CHODL: variants seen among roughly 807,000 people sequenced by gnomAD.
The protein encoded by CHODL is transmembrane protein MT75.
CHODL carries 29 observed loss-of-function variants against 34.5 expected under a neutral mutation model. The ratio of observed to expected loss-of-function variants is 0.84; its 90% confidence interval spans 0.63 to 1.15. The LOEUF (loss-of-function observed/expected upper bound fraction) is 1.15, where lower values mean the gene tolerates loss of function less well. Ranked by LOEUF, CHODL falls within the 50% of genes most tolerant of loss-of-function variation. CHODL has a pLI of 0.00. For synonymous variants in CHODL, 125 were observed against 116.1 expected, an observed-to-expected ratio of 1.08 and a Z score of -0.49; for missense variants, 332 against 332.5, an observed-to-expected ratio of 1.00 and a Z score of 0.01.
At chr21:18,174,790 G>A (rs1448222732) in intron 2 of CHODL, among the ~76,000 whole-genome samples, 1 of 152,046 alleles carries the variant, frequency 6.6e-6, no homozygotes, top group East Asian at 1.9e-4. Context: ...TAGTTCTGAG[G>A]GTTTACTTGT....
At chr21:18,158,706 C>T (rs922822666) in intron 2 of CHODL, among the ~76,000 whole-genome samples, 3 of 151,918 alleles carry the variant, frequency 2.0e-5, no homozygotes, top group African/African-American at 7.3e-5. Flanking sequence ...GGTGTGGTGG[C>T]AGGTGCCTGT....
intron 1 of CHODL, among the ~76,000 whole-genome samples, chr21:17,975,794 CCAGAATCTATGATACTTAAATTG>C (rs2063657318): frequency 1.3e-5 from 2 of 152,176 alleles, no homozygotes; most frequent in South Asian, 4.2e-4. Context: ...CTGCAACATC[CCAGAATCTATGATACTTAAATTG>C]CATTATTGTC....
chr21:17,991,485 G>A (rs1239075486), intron 1 of CHODL, among the ~76,000 whole-genome samples: 1 of 151,654 alleles, frequency 6.6e-6, no homozygotes, highest in Non-Finnish European at 1.5e-5. Flanking sequence ...TTGTCTTTTT[G>A]ATAGTAGCCA....
intron 2 of CHODL, among the ~76,000 whole-genome samples, chr21:18,037,668 G>C (rs374113468): frequency 1.2e-4 from 18 of 151,742 alleles, no homozygotes; most frequent in African/African-American, 4.1e-4. Context: ...AGCTCTCCAA[G>C]ATCAGAGAGA....
intron 2 of CHODL, among the ~76,000 whole-genome samples, chr21:18,210,523 T>C (rs2073761190): frequency 1.3e-5 from 2 of 152,226 alleles, no homozygotes; most frequent in Non-Finnish European, 2.9e-5. Flanking sequence ...GTGATGTTCT[T>C]GTGGGGAGGA....
intron 2 of CHODL, among the ~76,000 whole-genome samples, chr21:18,228,841 A>G (rs867504063): frequency 5.7e-4 from 87 of 152,184 alleles, no homozygotes; most frequent in African/African-American, 2.0e-3. Flanking sequence ...TAATTAAATA[A>G]CGAGAGCCCT....
rs2063336099 is a variant in CHODL at position 17,938,496 on chromosome 21, G to GTTTTTTTTTTTTTTTTTTTTTT, written c.-145+21096_-145+21097insTTTTTTTTTTTTTTTTTTTTTT. Among the ~76,000 whole-genome samples, 2 of 43,682 alleles carry GTTTTTTTTTTTTTTTTTTTTTT rather than the reference G, an allele frequency of 4.6e-5. 1 individual carries two copies. The highest frequency in any genetic ancestry group is 7.7e-4 in the Admixed American group (2 of 2,582). The allele number at this position is 43,682 out of a possible 152,430, so 28.7% of individuals were successfully genotyped here. On this transcript the variant is annotated intron_variant, in intron 1 of 6. Transcript: ENST00000400127. ...TTTTTTTTTTTTTTTTTTTTTTTAA[G>GTTTTTTTTTTTTTTTTTTTTTT]GAAAGGGAGTCTCGCTCCATCGCCC...
At chr21:18,263,012 A>G (rs1223413662) in intron 5 of CHODL, 119 bp downstream of exon 5, 1 of 611,564 alleles carries the variant, frequency 1.6e-6, no homozygotes. Context: ...AATCCTATAC[A>G]TACAATCTAA....
At chr21:18,104,328 T>A (rs1333258253) in intron 2 of CHODL, among the ~76,000 whole-genome samples, 3 of 152,056 alleles carry the variant, frequency 2.0e-5, no homozygotes, top group African/African-American at 4.8e-5. Flanking sequence ...TCTGATGGTT[T>A]TATAAGGGGC....
At chr21:18,227,449 C>T (rs887684831) in intron 2 of CHODL, among the ~76,000 whole-genome samples, 1 of 152,116 alleles carries the variant, frequency 6.6e-6, no homozygotes, top group Non-Finnish European at 1.5e-5. Flanking sequence ...AACTTTACAA[C>T]ATATATGTTG....
intron 1 of CHODL, among the ~76,000 whole-genome samples, chr21:17,930,606 G>A (rs1303596371): frequency 1.3e-5 from 2 of 152,226 alleles, no homozygotes; most frequent in African/African-American, 2.4e-5. Context: ...TTGAAGACAT[G>A]TTTGCTGGTC....
chr21:18,125,608 A>ATTAATTAT (rs1036897386), intron 2 of CHODL, among the ~76,000 whole-genome samples: 1 of 151,636 alleles, frequency 6.6e-6, no homozygotes, highest in African/African-American at 2.4e-5. Context: ...TAATTAATTA[A>ATTAATTAT]TTTTTGAGAT....
At chr21:18,174,766 T>C (rs1234947802) in intron 2 of CHODL, among the ~76,000 whole-genome samples, 2 of 152,140 alleles carry the variant, frequency 1.3e-5, no homozygotes, top group African/African-American at 4.8e-5. Context: ...GTACCTTATT[T>C]TGTGCCACAG....
rs11909311 is a variant in CHODL, at chr21:18,131,230, G to A, written c.-45+103259G>A. Reference sequence around the variant, plus strand: ...TGCCTTTATAAGGGAATAGTAAAGGGCCCTGCCTTCATGACCTAATTCCTC... The same window carrying A: ...TGCCTTTATAAGGGAATAGTAAAGGACCCTGCCTTCATGACCTAATTCCTC... On this transcript the variant is annotated intron_variant, in intron 2 of 6. Transcript: ENST00000400127. Among the ~76,000 whole-genome samples the A allele has an allele frequency of 1.0e-2, 1,514 of 152,092 alleles. 18 individuals are homozygous for A. Among genetic ancestry groups the A allele is most frequent in the African/African-American group, 0.033 (1,384 of 41,468 alleles).
At chr21:18,108,008 T>C (rs1238856780) in intron 2 of CHODL, among the ~76,000 whole-genome samples, 2 of 152,204 alleles carry the variant, frequency 1.3e-5, no homozygotes, top group Non-Finnish European at 2.9e-5. Flanking sequence ...TATTCCAGGC[T>C]GGGATTTGCT....
chr21:17,932,440 G>A (rs900029935), intron 1 of CHODL, among the ~76,000 whole-genome samples: 7 of 152,158 alleles, frequency 4.6e-5, no homozygotes, highest in African/African-American at 1.7e-4. Context: ...ATTTGACCCA[G>A]CAATCCCACT....
chr21:18,099,301 T>G (rs1455606330), intron 2 of CHODL, among the ~76,000 whole-genome samples: 1 of 152,108 alleles, frequency 6.6e-6, no homozygotes, highest in Non-Finnish European at 1.5e-5. Flanking sequence ...TTCCATGATG[T>G]GGTTATTCTG....
chr21:18,069,918 C>A (rs1480869925), intron 2 of CHODL, among the ~76,000 whole-genome samples: 2 of 151,392 alleles, frequency 1.3e-5, no homozygotes, highest in African/African-American at 4.8e-5. Flanking sequence ...CCAAACTTTT[C>A]TTTTCCTCCC....
At chr21:18,049,684 C>G (rs2064489005) in intron 2 of CHODL, among the ~76,000 whole-genome samples, 1 of 151,970 alleles carries the variant, frequency 6.6e-6, no homozygotes, top group South Asian at 2.1e-4. Flanking sequence ...GGCCTTTGCT[C>G]TGTGTGCTCT....
Sources: gnomAD v4.1 joint callset for allele counts (sites outside exome capture counted in the v4.1 genomes callset) on GRCh38, gnomAD v4.1.1 for gene constraint, MANE v1.5 for transcripts, NCBI Gene and HGNC (gene_info 2026-07-23, HGNC 2026-07-21) for gene names.